PDE1C: variants seen among roughly 807,000 people sequenced by gnomAD.
The protein encoded by PDE1C is phosphodiesterase 1C, also known as dual specificity calcium/calmodulin-dependent 3',5'-cyclic nucleotide phosphodiesterase 1C.
Under a neutral mutation model 93.1 loss-of-function variants are expected in PDE1C, and 62 were observed. The ratio of observed to expected loss-of-function variants is 0.67; its 90% confidence interval spans 0.54 to 0.82. PDE1C has a LOEUF of 0.82. Among genes scored for constraint, PDE1C ranks in the 40% least tolerant of loss-of-function variants. The pLI, the probability that PDE1C is intolerant of heterozygous loss-of-function variation, is 0.00. For missense variants in PDE1C, 742 were observed against 884.6 expected, an observed-to-expected ratio of 0.84 and a Z score of 2.04; for synonymous variants, 325 against 310.1, an observed-to-expected ratio of 1.05 and a Z score of -0.50.
At chr7:31,935,477 C>G (rs56391118) in intron 2 of PDE1C, among the ~76,000 whole-genome samples, 2,269 of 152,192 alleles carry the variant, frequency 0.015, 53 homozygotes, top group African/African-American at 0.052. Context: ...GAAAGGAAAA[C>G]CTATAAATAA....
intron 1 of PDE1C, among the ~76,000 whole-genome samples, chr7:32,063,388 A>G (rs1007673689): frequency 1.3e-5 from 2 of 152,258 alleles, no homozygotes; most frequent in East Asian, 3.8e-4. Flanking sequence ...AACCAAGGAA[A>G]GTAGTCTTCC....
rs1334070141 is a variant in PDE1C, at chr7:32,065,058, G to GT, written c.101+5234_101+5235insA. Among the ~76,000 whole-genome samples, 7 of 151,008 alleles carry GT rather than the reference G, an allele frequency of 4.6e-5. No homozygotes were observed. The Admixed American group carries it at 4.6e-4, about 10-fold the overall frequency. ...CTTCTGACGGAACGGCGGTGGGGGG[G>GT]GGGGGGAGGAGCCGGGGGCCAGTGA... On this transcript the variant is annotated intron_variant, in intron 1 of 17. Coordinates refer to ENST00000396191, the MANE Select transcript of PDE1C (RefSeq NM_001191057.4).
intron 2 of PDE1C, among the ~76,000 whole-genome samples, chr7:32,206,486 G>C (rs1805543660): frequency 1.3e-5 from 2 of 152,128 alleles, no homozygotes; most frequent in Admixed American, 1.3e-4. Flanking sequence ...CCAGAGAGCA[G>C]GACTAGAAAG....
the PDE1C span, among the ~76,000 whole-genome samples, chr7:31,655,383 C>T: frequency 1.1e-4 from 17 of 152,300 alleles, no homozygotes; most frequent in African/African-American, 2.9e-4. Context: ...AATTACCTGG[C>T]GACAGTGCAA....
chr7:32,306,768 G>C (rs1002071185), intron 1 of PDE1C, among the ~76,000 whole-genome samples: 4 of 152,214 alleles, frequency 2.6e-5, no homozygotes, highest in African/African-American at 9.7e-5. Context: ...ACATAGGGAA[G>C]TTTGGACCTT....
At chr7:32,062,487 C>T (rs1333234500) in intron 1 of PDE1C, among the ~76,000 whole-genome samples, 8 of 152,184 alleles carry the variant, frequency 5.3e-5, no homozygotes, top group African/African-American at 1.9e-4. Flanking sequence ...TATAAACATC[C>T]CAGGCCTTAA....
rs561478442 is a variant in PDE1C at position 31,866,260 on chromosome 7, GT to G, written c.610-1179del. ...TAATACTCCTGAGATTCCATAATCT[GT>G]TCTCCCTTGGTCATATTCTTCCATT... On this transcript the variant is annotated intron_variant, in intron 6 of 17. Transcript: ENST00000396191. 2.1e-3 allele frequency among the ~76,000 whole-genome samples: 319 copies of G among 152,198 alleles called. 2 individuals are homozygous for G. Among genetic ancestry groups the G allele is most frequent in the African/African-American group, 7.4e-3 (306 of 41,518 alleles).
intron 2 of PDE1C, among the ~76,000 whole-genome samples, chr7:31,931,017 G>T (rs1804160007): frequency 6.6e-6 from 1 of 152,042 alleles, no homozygotes; most frequent in South Asian, 2.1e-4. Flanking sequence ...CGCAGAAAAG[G>T]CCTTCAGTAA....
intron 3 of PDE1C, among the ~76,000 whole-genome samples, chr7:32,122,376 C>T (rs1286886376): frequency 1.3e-5 from 2 of 152,174 alleles, no homozygotes; most frequent in African/African-American, 4.8e-5. Flanking sequence ...ACCTAATTGA[C>T]ATCCACAGAA....
At chr7:31,723,883 A>G in the PDE1C span, among the ~76,000 whole-genome samples, 6 of 152,276 alleles carry the variant, frequency 3.9e-5, no homozygotes, top group Non-Finnish European at 8.8e-5. Context: ...AAATCCACAT[A>G]TGAAGCAAGC....
At chr7:32,246,691 A>C (rs1480613207) in intron 1 of PDE1C, among the ~76,000 whole-genome samples, 6 of 152,256 alleles carry the variant, frequency 3.9e-5, no homozygotes, top group Non-Finnish European at 7.3e-5. Context: ...GGAGTCCAAC[A>C]GATACAAGTT....
intron 1 of PDE1C, among the ~76,000 whole-genome samples, chr7:32,239,222 C>A (rs1808366413): frequency 6.6e-6 from 1 of 152,022 alleles, no homozygotes; most frequent in African/African-American, 2.4e-5. Context: ...CAGAGTGAGA[C>A]CCTGTCTCTA....
At chr7:31,823,997 G>C (rs1015818735) in intron 13 of PDE1C, among the ~76,000 whole-genome samples, 1 of 152,074 alleles carries the variant, frequency 6.6e-6, no homozygotes, top group African/African-American at 2.4e-5. Flanking sequence ...CTGGCAGGGG[G>C]CTCTGTCCTC....
chr7:32,322,403 A>T (rs1036689365), intron 1 of PDE1C, among the ~76,000 whole-genome samples: 20 of 152,078 alleles, frequency 1.3e-4, no homozygotes, highest in African/African-American at 4.8e-4. Context: ...GGAGTTTGAG[A>T]CGAGCTTGGG....
At chr7:32,264,245 A>T (rs768690671) in intron 1 of PDE1C, among the ~76,000 whole-genome samples, 1 of 152,222 alleles carries the variant, frequency 6.6e-6, no homozygotes, top group Non-Finnish European at 1.5e-5. Context: ...GAGTTATGCA[A>T]GATAATGTTA....
At chr7:31,762,485 G>A (rs1794895919) in intron 17 of PDE1C, among the ~76,000 whole-genome samples, 1 of 152,022 alleles carries the variant, frequency 6.6e-6, no homozygotes, top group Non-Finnish European at 1.5e-5. Context: ...GATTACAGAA[G>A]CATCCCACCA....
the PDE1C span, among the ~76,000 whole-genome samples, chr7:31,738,318 G>T: frequency 6.6e-6 from 1 of 152,148 alleles, no homozygotes; most frequent in Non-Finnish European, 1.5e-5. Flanking sequence ...CCGCATGGGT[G>T]GGGAGGCCTC....
At chr7:31,685,583 G>T in the PDE1C span, among the ~76,000 whole-genome samples, 1 of 152,224 alleles carries the variant, frequency 6.6e-6, no homozygotes, top group African/African-American at 2.4e-5. Flanking sequence ...CAAGGCTGTT[G>T]TTAAGAAGAT....
chr7:31,708,187 G>C, the PDE1C span: 1 of 152,172 alleles, frequency 6.6e-6, no homozygotes, highest in Non-Finnish European at 1.5e-5. Flanking sequence ...GTGAGCAGAG[G>C]TCTGTATATT....
Sources: gnomAD v4.1 joint callset for allele counts (sites outside exome capture counted in the v4.1 genomes callset) on GRCh38, gnomAD v4.1.1 for gene constraint, MANE v1.5 for transcripts, NCBI Gene and HGNC (gene_info 2026-07-23, HGNC 2026-07-21) for gene names.